Variants in VWA8 observed in about 807,000 individuals in gnomAD.
The protein encoded by VWA8 is von Willebrand factor A domain containing 8.
VWA8 carries 221 observed loss-of-function variants against 241.5 expected under a neutral mutation model. That is an observed-to-expected ratio of 0.91 (90% CI 0.82 to 1.02). The LOEUF (loss-of-function observed/expected upper bound fraction) is 1.02. Among genes scored for constraint, VWA8 ranks in the 50% least tolerant of loss-of-function variants. The pLI is 0.00. For synonymous variants in VWA8, 852 were observed against 827.1 expected (o/e 1.03, Z -0.52); for missense variants, 2,322 against 2,328.7 (o/e 1.00, Z 0.06).
At chr13:41,780,288 A>C (rs116423914) in intron 19 of VWA8, among the ~76,000 whole-genome samples, 215 of 152,242 alleles carry the variant, frequency 1.4e-3, no homozygotes, top group African/African-American at 4.9e-3. Flanking sequence ...ACCAATCTTC[A>C]ACAGCAAAAC....
chr13:41,704,462 AC>A (rs11322542), intron 26 of VWA8, among the ~76,000 whole-genome samples: 124,221 of 149,118 alleles, frequency 0.83, 53,411 homozygotes, highest in Non-Finnish European at 0.94. Flanking sequence ...TTAAGTCTTC[AC>A]TTTTTTTTTT....
intron 26 of VWA8, among the ~76,000 whole-genome samples, chr13:41,713,302 T>C (rs2045329886): frequency 6.6e-6 from 1 of 152,196 alleles, no homozygotes; most frequent in Non-Finnish European, 1.5e-5. Context: ...AATTAAAATA[T>C]TACTAAATGT....
intron 37 of VWA8, among the ~76,000 whole-genome samples, chr13:41,631,628 T>C (rs2044727440): frequency 6.6e-6 from 1 of 152,218 alleles, no homozygotes; most frequent in Admixed American, 6.5e-5. Context: ...CCTTATTTAT[T>C]CATTCTCTTC....
rs1259016275 is a variant in VWA8 at position 41,567,154 on chromosome 13, G to C, written c.*1043C>G. ...ATCTTATTTTAAACAAAGTAATATT[G>C]AGCTTATTGATAAAATAAAGGTCAG... On this transcript the variant is annotated 3_prime_UTR_variant, in exon 45 of 45. Transcript: ENST00000379310. The C allele has an allele frequency of 1.3e-5, 2 of 152,072 alleles. No individual in the cohort carries two copies. Among genetic ancestry groups the C allele is most frequent in the Non-Finnish European group, 2.9e-5 (2 of 68,024 alleles). The allele number at this position is 152,072 out of a possible 1,614,324, so 9.4% of individuals were successfully genotyped here. A position where few individuals can be genotyped will look rare whatever the true frequency, so the allele number is the denominator to read the frequency against.
At chr13:41,680,792 C>T (rs2137807825) in intron 35 of VWA8, among the ~76,000 whole-genome samples, 1 of 152,230 alleles carries the variant, frequency 6.6e-6, no homozygotes, top group Non-Finnish European at 1.5e-5. Context: ...TGGTGCAAGG[C>T]TATTCATAGC....
chr13:41,883,295 G>GA, intron 9 of VWA8, 92 bp downstream of exon 9: 1 of 952,044 alleles, frequency 1.1e-6, no homozygotes, highest in Non-Finnish European at 1.6e-6. Flanking sequence ...AGAAAAATAG[G>GA]AAAGGTGGGG....
intron 37 of VWA8, among the ~76,000 whole-genome samples, chr13:41,660,066 T>C (rs2044938424): frequency 1.3e-5 from 2 of 152,206 alleles, no homozygotes; most frequent in Non-Finnish European, 2.9e-5. Flanking sequence ...CTTCCCATAA[T>C]CATCACACTG....
chr13:41,619,882 T>C (rs1259934065), intron 37 of VWA8, among the ~76,000 whole-genome samples: 9 of 152,204 alleles, frequency 5.9e-5, no homozygotes, highest in Non-Finnish European at 1.2e-4. Flanking sequence ...CAGTATTTTA[T>C]TGAGGATTTT....
chr13:41,703,407 T>C lies in VWA8; in HGVS notation c.3121A>G (p.Thr1041Ala). The change falls in exon 27 of 45, where the codon ACT becomes GCT. Residue 1041 changes from threonine to alanine, a missense_variant. Thr to Ala is a moderately conservative substitution (Grantham distance 58). Coordinates refer to ENST00000379310, the MANE Select transcript of VWA8 (RefSeq NM_015058.2). ...PTSVQLAKELTLPEQTFMGYW... is the reference protein window; with the variant it reads ...PTSVQLAKELALPEQTFMGYW... ...CCCATGAACGTTTGTTCTGGCAGAG[T>C]CAACCTGTTAAGGATGATTTGCAAA... The C allele has an allele frequency of 1.9e-6, 3 of 1,613,876 alleles. No homozygotes were observed. Among genetic ancestry groups the C allele is most frequent in the Non-Finnish European group, 2.5e-6 (3 of 1,179,866 alleles).
rs544835576 is a variant in VWA8, at chr13:41,617,043, A to C, written c.4612-1959T>G. 3.4e-4 allele frequency among the ~76,000 whole-genome samples: 52 copies of C among 152,330 alleles called. 1 individual carries two copies. The South Asian group carries it at 0.011, about 31-fold the overall frequency. ...CTGCGAAAAACAAAACAAAACAAAA[A>C]AACTATATGAAAGGTATGATTACAG... On this transcript the variant is annotated intron_variant, in intron 37 of 44. Coordinates refer to ENST00000379310, the MANE Select transcript of VWA8 (RefSeq NM_015058.2).
chr13:41,794,753 T>G (rs2137952552), intron 17 of VWA8, among the ~76,000 whole-genome samples: 1 of 152,236 alleles, frequency 6.6e-6, no homozygotes, highest in African/African-American at 2.4e-5. Context: ...CCATTCAGTA[T>G]GATATTGGCT....
At chr13:41,573,696 C>T (rs1593623972) in intron 43 of VWA8, among the ~76,000 whole-genome samples, 2 of 151,040 alleles carry the variant, frequency 1.3e-5, no homozygotes, top group African/African-American at 4.9e-5. Context: ...TGGTTCGCTG[C>T]AGCCTCTGCC....
chr13:41,579,744 T>A (rs1231371653), intron 42 of VWA8, among the ~76,000 whole-genome samples: 2 of 152,274 alleles, frequency 1.3e-5, no homozygotes, highest in African/African-American at 4.8e-5. Context: ...GTTATCCTTA[T>A]GTCACAAATG....
At chr13:41,847,406 G>A (rs73185314) in intron 12 of VWA8, among the ~76,000 whole-genome samples, 10,132 of 152,246 alleles carry the variant, frequency 0.067, 458 homozygotes, top group Non-Finnish European at 0.098. Flanking sequence ...GATCAGGCAA[G>A]AATATTCCAG....
intron 38 of VWA8, among the ~76,000 whole-genome samples, chr13:41,612,866 TTC>T (rs1460575802): frequency 3.3e-5 from 5 of 152,172 alleles, no homozygotes; most frequent in East Asian, 3.8e-4. Context: ...ACTACTTAAC[TTC>T]TCTGTGTCTC....
At chr13:41,625,810 T>A (rs1353884750) in intron 37 of VWA8, among the ~76,000 whole-genome samples, 1 of 151,592 alleles carries the variant, frequency 6.6e-6, no homozygotes, top group African/African-American at 2.4e-5. Context: ...CTATTCACAA[T>A]AGCAAAGATT....
intron 36 of VWA8, among the ~76,000 whole-genome samples, chr13:41,671,395 A>G (rs569202547): frequency 6.6e-6 from 1 of 152,296 alleles, no homozygotes; most frequent in Admixed American, 6.5e-5. Flanking sequence ...ATAAAAAAAA[A>G]CCAGAAAGAC....
intron 2 of VWA8, among the ~76,000 whole-genome samples, chr13:41,920,236 T>G (rs899112306): frequency 2.0e-5 from 3 of 152,118 alleles, no homozygotes; most frequent in Non-Finnish European, 4.4e-5. Context: ...GGTCCCAAAT[T>G]GCAGCTGTGC....
chr13:41,735,164 T>C (rs906289179), intron 21 of VWA8, among the ~76,000 whole-genome samples: 53 of 152,188 alleles, frequency 3.5e-4, no homozygotes, highest in South Asian at 1.9e-3. Context: ...AGTAATATAA[T>C]GAATTTCTCA....
Sources: allele counts gnomAD v4.1 joint callset (sites outside exome capture counted in the v4.1 genomes callset), GRCh38; gene constraint gnomAD v4.1.1; transcripts MANE v1.5; gene names NCBI Gene and HGNC (gene_info 2026-07-23, HGNC 2026-07-21).